TUBA8: variants seen among roughly 807,000 people sequenced by gnomAD.
The protein encoded by TUBA8 is tubulin alpha-8 chain.
In TUBA8, 29 loss-of-function variants were observed where a neutral mutation model predicts 34.7. That is an observed-to-expected ratio of 0.84 (90% CI 0.62 to 1.14). The LOEUF is 1.14. TUBA8 is among the 50% of genes most tolerant of loss of function. The pLI, the probability that TUBA8 is intolerant of heterozygous loss-of-function variation, is 0.00. For missense variants in TUBA8, 541 were observed against 599.2 expected (o/e 0.90, Z 1.01); for synonymous variants, 226 against 231.2 (o/e 0.98, Z 0.21).
Position 18,119,304 on chromosome 22 carries a change from T to C in TUBA8, c.4-2175T>C, listed in dbSNP as rs995176721. On this transcript the variant is annotated intron_variant, in intron 1 of 4. Transcript: ENST00000330423. The surrounding 1 kb of genome is among the most constrained non-coding windows in gnomAD (Gnocchi z 5.9). ...TGAGCCCTCAGATGGAGGCAGAGAA[T>C]AGACCCCACAATAAAGGAGAGAGGA... is the stretch of plus-strand genomic sequence containing the variant. The C allele has an allele frequency of 6.6e-6, 1 of 152,180 alleles. No individual in the cohort carries two copies. The highest frequency in any genetic ancestry group is 1.5e-5 in the Non-Finnish European group (1 of 68,070). 9.4% of individuals were successfully genotyped at this position (152,180 alleles called of 1,614,324 possible). A position where few individuals can be genotyped will look rare whatever the true frequency, so the allele number is the denominator to read the frequency against.
chr22:18,110,985 C>CT lies in TUBA8; in HGVS notation c.3+118dup. 6.8e-7 allele frequency: 1 copy of CT among 1,480,760 alleles called. No individual in the cohort carries two copies. The highest frequency in any genetic ancestry group is 2.0e-5 in the Admixed American group (1 of 50,676). 91.7% of individuals were successfully genotyped at this position (1,480,760 alleles called of 1,614,324 possible). A position where few individuals can be genotyped will look rare whatever the true frequency, so the allele number is the denominator to read the frequency against. ...CTGGAGCCGCAGGGCTCAAGGCCTT[C>CT]TGGGGGTGGCAGTTCAGGGTCGAGG... On this transcript the variant is annotated intron_variant, in intron 1 of 4. Transcript: ENST00000330423. This position sits in a 1 kb window ranked among gnomAD's most constrained non-coding sequence, Gnocchi z 6.2.
intron 4 of TUBA8, chr22:18,127,238 A>G: frequency 1.7e-6 from 1 of 582,830 alleles, no homozygotes; most frequent in Non-Finnish European, 3.0e-6. Flanking sequence ...ATTTTAGAAA[A>G]GTTTGGTGCT....
rs191094773 is a variant in TUBA8 at position 18,118,114 on chromosome 22, C to G, written c.4-3365C>G. The G allele has an allele frequency of 1.3e-5, 2 of 152,160 alleles. No homozygotes were observed. The highest frequency in any genetic ancestry group is 2.9e-5 in the Non-Finnish European group (2 of 68,038). 9.4% of individuals were successfully genotyped at this position (152,160 alleles called of 1,614,324 possible). A position where few individuals can be genotyped will look rare whatever the true frequency, so the allele number is the denominator to read the frequency against. ...TGGCGACCCTGGTAGTTACGTCCCCCCTTGTGACTATAACAGTGGTTCTTT... is the reference window on the plus strand; with the variant it reads ...TGGCGACCCTGGTAGTTACGTCCCCGCTTGTGACTATAACAGTGGTTCTTT... On this transcript the variant is annotated intron_variant, in intron 1 of 4. Transcript: ENST00000330423. The surrounding 1 kb of genome is among the most constrained non-coding windows in gnomAD (Gnocchi z 4.0).
chr22:18,130,975 C>T lies in TUBA8; in HGVS notation c.1189C>T (p.Leu397Phe). 3 of 1,614,122 alleles carry T rather than the reference C, an allele frequency of 1.9e-6. No homozygotes were observed. Among genetic ancestry groups the T allele is most frequent in the African/African-American group, 1.3e-5 (1 of 75,014 alleles). Residue 397 changes from leucine (L) to phenylalanine (F), a missense_variant, in exon 5 of 5, where the codon CTC becomes TTC. Leu to Phe is a conservative substitution (Grantham distance 22, BLOSUM62 0). Coordinates refer to ENST00000330423, the MANE Select transcript of TUBA8 (RefSeq NM_018943.3). Reference sequence around the variant, plus strand: ...GGCCCGCCTCGACCACAAGTTCGACCTCATGTACGCCAAGCGGGCCTTTGT... The same window carrying T: ...GGCCCGCCTCGACCACAAGTTCGACTTCATGTACGCCAAGCGGGCCTTTGT... ...AWARLDHKFD[L>F]MYAKRAFVHW...
intron 1 of TUBA8, chr22:18,113,101 A>T (rs1927861509): frequency 6.6e-6 from 1 of 152,216 alleles, no homozygotes; most frequent in African/African-American, 2.4e-5. Flanking sequence ...TTTTAAATGC[A>T]TTTCTCTAGC....
chr22:18,131,201 G>A lies in TUBA8; in HGVS notation c.*65G>A, dbSNP rs900002337. 8 of 1,551,206 alleles carry A rather than the reference G, an allele frequency of 5.2e-6. No homozygotes were observed. In the Admixed American group the frequency reaches 1.2e-4, roughly 23 times the overall value. ...TGTGCCATTCAAAGCACATGTTCAA[G>A]AGAACAGAACACTCTCCCCGCCCCA... On this transcript the variant is annotated 3_prime_UTR_variant, in exon 5 of 5. Transcript: ENST00000330423. This position sits in a 1 kb window ranked among gnomAD's most constrained non-coding sequence, Gnocchi z 5.3.
intron 4 of TUBA8, chr22:18,127,886 A>T (rs1378941839): frequency 2.6e-5 from 4 of 151,564 alleles, no homozygotes; most frequent in African/African-American, 9.7e-5. Context: ...TTTAGTAGAG[A>T]CGGGGTTTCA....
chr22:18,126,915 A>G lies in TUBA8; in HGVS notation c.937A>G (p.Met313Val). The G allele has an allele frequency of 6.2e-7, 1 of 1,612,564 alleles. No homozygotes were observed. The highest frequency in any genetic ancestry group is 1.1e-5 in the South Asian group (1 of 90,880). The part of the protein sequence containing the change: ...VKCDPRHGKY[M>V]ACCMLYRGDV... ...GTGCGACCCGAGACATGGCAAGTAC[A>G]TGGCCTGCTGCATGCTCTACCGGGG... Residue 313 changes from methionine to valine, a missense_variant, in exon 4 of 5, where the codon ATG becomes GTG. Coordinates refer to ENST00000330423, the MANE Select transcript of TUBA8 (RefSeq NM_018943.3). This position sits in a 1 kb window ranked among gnomAD's most constrained non-coding sequence, Gnocchi z 4.0.
In TUBA8 at chr22:18,126,413, T is replaced by G. The variant is rs753466192; in HGVS notation, c.435T>G (p.Thr145=). The G allele has an allele frequency of 6.2e-7, 1 of 1,614,168 alleles. No individual in the cohort carries two copies. The highest frequency in any genetic ancestry group is 8.5e-7 in the Non-Finnish European group (1 of 1,180,012). Residue 145 remains threonine (T), a synonymous_variant, in exon 4 of 5, where the codon ACT becomes ACG. Transcript: ENST00000330423. The surrounding 1 kb of genome is among the most constrained non-coding windows in gnomAD (Gnocchi z 4.0). ...TTTTCCACAGTTTTGGTGGGGGCAC[T>G]GGCTCCGGCTTCACTTCTCTGCTGA... ...FLIFHSFGGG[T]GSGFTSLLME... is the part of the protein sequence containing the mutation.
Position 18,124,223 on chromosome 22 carries a change from T to C in TUBA8, c.294T>C (p.Asp98=). 6.2e-7 allele frequency: 1 copy of C among 1,614,198 alleles called. No individual in the cohort carries two copies. The highest frequency in any genetic ancestry group is 8.5e-7 in the Non-Finnish European group (1 of 1,180,032). ...HPEQLITGKE[D]AANNYARGHY... Reference sequence around the variant, plus strand: ...AGCAGCTGATCACAGGAAAGGAGGATGCAGCCAACAACTATGCCCGGGGCC... The same window carrying C: ...AGCAGCTGATCACAGGAAAGGAGGACGCAGCCAACAACTATGCCCGGGGCC... Residue 98 remains aspartate, a synonymous_variant, in exon 3 of 5, where the codon GAT becomes GAC. Coordinates refer to ENST00000330423, the MANE Select transcript of TUBA8 (RefSeq NM_018943.3). This position sits in a 1 kb window ranked among gnomAD's most constrained non-coding sequence, Gnocchi z 4.3.
At chr22:18,128,376 C>CTGAA in intron 4 of TUBA8, 1 of 152,098 alleles carries the variant, frequency 6.6e-6, no homozygotes, top group Admixed American at 6.5e-5. Context: ...ACCAGGAATG[C>CTGAA]TGAATGGTAG....
intron 4 of TUBA8, 61 bp downstream of exon 4, chr22:18,127,095 G>C (rs1459057654): frequency 9.5e-6 from 15 of 1,578,102 alleles, no homozygotes; most frequent in Non-Finnish European, 1.2e-5. Flanking sequence ...AGGTGACCAA[G>C]GATATGCAAT....
chr22:18,127,215 G>C (rs1928358269), intron 4 of TUBA8, 181 bp downstream of exon 4: 1 of 642,648 alleles, frequency 1.6e-6, no homozygotes, highest in Non-Finnish European at 2.6e-6. Context: ...TCAAAGTTTT[G>C]TCTGTTTAGG....
Position 18,127,027 on chromosome 22 carries a change from G to C in TUBA8, c.1049G>C (p.Gly350Ala). The C allele has an allele frequency of 1.2e-6, 2 of 1,614,150 alleles. No homozygotes were observed. The highest frequency in any genetic ancestry group is 1.7e-6 in the Non-Finnish European group (2 of 1,180,038). ...CAGTTTGTAGACTGGTGTCCCACAG[G>C]CTTCAAGGTGAGAGCTGATGACTTA... ...TIQFVDWCPT[G>A]FKVGINYQPP... Residue 350 changes from glycine to alanine, a missense_variant, in exon 4 of 5, where the codon GGC becomes GCC. Transcript: ENST00000330423.
chr22:18,130,737 A>G, intron 4 of TUBA8, 106 bp from the exon 5 acceptor site: 1 of 1,487,668 alleles, frequency 6.7e-7, no homozygotes, highest in Non-Finnish European at 9.3e-7. Context: ...CACGCCCCTG[A>G]CCATGACTTG....
intron 4 of TUBA8, chr22:18,130,590 ATTT>A (rs362251): frequency 2.8e-3 from 1,349 of 479,904 alleles, no homozygotes; most frequent in East Asian, 7.4e-3. Context: ...GGCCTGGCTA[ATTT>A]TTTTTTTTTT....
At chr22:18,112,326 T>G (rs1299646199) in intron 1 of TUBA8, 6 of 152,204 alleles carry the variant, frequency 3.9e-5, no homozygotes, top group Admixed American at 1.3e-4. Flanking sequence ...GTTCAATAAT[T>G]ACCAACTTCT....
rs1928085551 is a variant in TUBA8, at chr22:18,119,628, AC to A, written c.4-1847del. On this transcript the variant is annotated intron_variant, in intron 1 of 4. Transcript: ENST00000330423. This position sits in a 1 kb window ranked among gnomAD's most constrained non-coding sequence, Gnocchi z 5.9. ...ACCCCCGTCGGGCTGCCCCACGCTC[AC>A]CCCTGTGCTCATCCTCCCTCAAGGC... The A allele has an allele frequency of 6.6e-6, 1 of 152,220 alleles. No individual in the cohort carries two copies. Among genetic ancestry groups the A allele is most frequent in the Non-Finnish European group, 1.5e-5 (1 of 68,102 alleles). 9.4% of individuals were successfully genotyped at this position (152,220 alleles called of 1,614,324 possible).
intron 1 of TUBA8, chr22:18,116,565 T>G (rs1286256836): frequency 6.6e-6 from 1 of 152,222 alleles, no homozygotes; most frequent in Non-Finnish European, 1.5e-5. Context: ...ATCGTAAATG[T>G]TTGTAGCCAA....
Sources: allele counts gnomAD v4.1 joint callset, GRCh38; gene constraint gnomAD v4.1.1; non-coding constraint Gnocchi (gnomAD v3.1); transcripts MANE v1.5; gene names NCBI Gene and HGNC (gene_info 2026-07-23, HGNC 2026-07-21).